Variants in BABAM2 observed in about 807,000 individuals in gnomAD.
BABAM2 encodes BRISC and BRCA1 A complex member 2.
Under a neutral mutation model 54.7 loss-of-function variants are expected in BABAM2, and 31 were observed. That is an observed-to-expected ratio of 0.57 (90% confidence interval 0.43 to 0.77). BABAM2 has a LOEUF of 0.77. Among genes scored for constraint, BABAM2 ranks in the 30% least tolerant of loss-of-function variants. The pLI is 0.00. For synonymous variants in BABAM2, 167 were observed against 162.9 expected, an observed-to-expected ratio of 1.03 and a Z score of -0.19; for missense variants, 364 against 455.8, an observed-to-expected ratio of 0.80 and a Z score of 1.83.
chr2:28,304,466 A>T lies in BABAM2; in HGVS notation c.1088+5975A>T, dbSNP rs1003300569. Among the ~76,000 whole-genome samples the T allele has an allele frequency of 6.6e-6, 1 of 151,526 alleles. No individual in the cohort carries two copies. Among genetic ancestry groups the T allele is most frequent in the East Asian group, 1.9e-4 (1 of 5,206 alleles). On this transcript the variant is annotated intron_variant, in intron 11 of 11. Transcript: ENST00000379624. This position sits in a 1 kb window ranked among gnomAD's most constrained non-coding sequence, Gnocchi z 4.0. ...ATTTATTTTCTAGTTTGTTGCTGGT[A>T]TACAGGAATACAAATGATTTTTCTA...
intron 6 of BABAM2, among the ~76,000 whole-genome samples, chr2:28,088,588 C>T (rs781004710): frequency 6.6e-6 from 1 of 152,114 alleles, no homozygotes; most frequent in Non-Finnish European, 1.5e-5. Flanking sequence ...TGCTCTAAGC[C>T]AGTGTTGCCC....
At chr2:28,260,033 T>G (rs1378436109) in intron 10 of BABAM2, among the ~76,000 whole-genome samples, 1 of 152,060 alleles carries the variant, frequency 6.6e-6, no homozygotes, top group African/African-American at 2.4e-5. Context: ...CTCAAGTAGC[T>G]GGGATTACAG....
chr2:28,090,766 C>T (rs145776218), intron 6 of BABAM2, among the ~76,000 whole-genome samples: 1,881 of 152,196 alleles, frequency 0.012, 17 homozygotes, highest in Middle Eastern at 0.031. Flanking sequence ...CCAAAGGGCC[C>T]AGGGGTTAGT....
At chr2:28,074,095 C>T (rs1438086041) in intron 6 of BABAM2, among the ~76,000 whole-genome samples, 1 of 151,918 alleles carries the variant, frequency 6.6e-6, no homozygotes, top group Non-Finnish European at 1.5e-5. Flanking sequence ...TTTACATTTC[C>T]TATAATTTTT....
intron 6 of BABAM2, among the ~76,000 whole-genome samples, chr2:28,066,588 G>A (rs1450857402): frequency 6.6e-6 from 1 of 152,168 alleles, no homozygotes; most frequent in African/African-American, 2.4e-5. Flanking sequence ...TCTCTCAAGT[G>A]GCTGCAGTAG....
intron 7 of BABAM2, among the ~76,000 whole-genome samples, chr2:28,154,168 CTTATAATA>C (rs1672327414): frequency 6.6e-6 from 1 of 152,140 alleles, no homozygotes; most frequent in African/African-American, 2.4e-5. Context: ...GCTCTGGAGC[CTTATAATA>C]ATAGTAATTA....
intron 8 of BABAM2, among the ~76,000 whole-genome samples, chr2:28,240,884 A>C (rs1295150877): frequency 2.0e-5 from 3 of 151,016 alleles, no homozygotes; most frequent in Non-Finnish European, 4.4e-5. Context: ...AAAAAAAAAA[A>C]ACAAAAAAAA....
chr2:28,318,443 T>C (rs1014558249), intron 11 of BABAM2, among the ~76,000 whole-genome samples: 1 of 152,236 alleles, frequency 6.6e-6, no homozygotes, highest in Admixed American at 6.5e-5. Flanking sequence ...AAATATTGAT[T>C]ATCTGGTCCT....
At chr2:27,972,467 C>A (rs1216178094) in intron 3 of BABAM2, among the ~76,000 whole-genome samples, 12 of 152,098 alleles carry the variant, frequency 7.9e-5, no homozygotes. Context: ...ACCTTTCTTA[C>A]CTTCCCTTCA....
chr2:28,099,208 A>T (rs948028824), intron 6 of BABAM2, among the ~76,000 whole-genome samples: 4 of 152,180 alleles, frequency 2.6e-5, no homozygotes, highest in African/African-American at 7.2e-5. Flanking sequence ...ATTAATTTTG[A>T]TAGTAAACTA....
intron 6 of BABAM2, among the ~76,000 whole-genome samples, chr2:28,104,415 G>A (rs1667330996): frequency 6.6e-6 from 1 of 152,192 alleles, no homozygotes; most frequent in Non-Finnish European, 1.5e-5. Flanking sequence ...AGACATTTAT[G>A]CAGCCAAAAA....
At chr2:27,986,374 A>C (rs1430689494) in intron 3 of BABAM2, among the ~76,000 whole-genome samples, 2 of 151,876 alleles carry the variant, frequency 1.3e-5, no homozygotes, top group Non-Finnish European at 2.9e-5. Flanking sequence ...TTTGATCTTT[A>C]ATGCCTATCA....
intron 2 of BABAM2, among the ~76,000 whole-genome samples, chr2:27,925,637 C>T (rs570270228): frequency 6.6e-5 from 10 of 152,264 alleles, no homozygotes; most frequent in South Asian, 6.2e-4. Flanking sequence ...AGCTATGTAG[C>T]GATGTCTTTC....
At chr2:28,241,502 C>CAT in intron 9 of BABAM2, 109 bp downstream of exon 9, 1 of 812,624 alleles carries the variant, frequency 1.2e-6, no homozygotes, top group Non-Finnish European at 1.9e-6. Context: ...CACATGATAC[C>CAT]TTTTTTTTTT....
At chr2:27,933,537 T>C (rs1396515959) in intron 3 of BABAM2, among the ~76,000 whole-genome samples, 2 of 151,818 alleles carry the variant, frequency 1.3e-5, no homozygotes, top group Non-Finnish European at 2.9e-5. Flanking sequence ...TATGTGATCT[T>C]GGCTCACTGC....
At chr2:28,311,270 A>C (rs1228156479) in intron 11 of BABAM2, among the ~76,000 whole-genome samples, 3 of 152,002 alleles carry the variant, frequency 2.0e-5, no homozygotes, top group Admixed American at 1.3e-4. Flanking sequence ...CAAAAAAAAA[A>C]AAAAAAAAAG....
At chr2:28,153,598 A>C (rs941111555) in intron 7 of BABAM2, among the ~76,000 whole-genome samples, 3 of 152,182 alleles carry the variant, frequency 2.0e-5, no homozygotes, top group African/African-American at 7.2e-5. Flanking sequence ...TTGCTATTTT[A>C]TTAGCAGGCT....
intron 4 of BABAM2, among the ~76,000 whole-genome samples, chr2:28,012,950 T>G (rs1313650407): frequency 1.3e-5 from 2 of 152,174 alleles, no homozygotes; most frequent in Non-Finnish European, 2.9e-5. Context: ...TCCCCGATTC[T>G]TAAGAAAGAA....
intron 7 of BABAM2, among the ~76,000 whole-genome samples, chr2:28,186,122 G>C (rs1306411835): frequency 6.6e-6 from 1 of 152,206 alleles, no homozygotes; most frequent in Non-Finnish European, 1.5e-5. Flanking sequence ...TATGTTTGCA[G>C]ATTCATGGTT....
Sources: allele counts gnomAD v4.1 joint callset (sites outside exome capture counted in the v4.1 genomes callset), GRCh38; gene constraint gnomAD v4.1.1; non-coding constraint Gnocchi (gnomAD v3.1); transcripts MANE v1.5; gene names NCBI Gene and HGNC (gene_info 2026-07-23, HGNC 2026-07-21).